The following ABCA8 variants were observed in gnomAD, a reference collection of about 807,000 sequenced individuals.
ABCA8 encodes the protein ABC-type organic anion transporter ABCA8.
In ABCA8, 177 loss-of-function variants were observed where a neutral mutation model predicts 192.3. The observed-to-expected ratio is 0.92, with a 90% CI of 0.81 to 1.04. The LOEUF (loss-of-function observed/expected upper bound fraction) is 1.04. ABCA8 is among the 50% of genes least tolerant of loss of function. ABCA8 has a pLI of 0.00. For missense variants in ABCA8, 1,915 were observed against 1,904.8 expected (o/e 1.01, Z -0.10); for synonymous variants, 642 against 690.2 (o/e 0.93, Z 1.09).
chr17:68,870,740 T>A (rs1265401456), intron 37 of ABCA8, among the ~76,000 whole-genome samples: 1 of 152,220 alleles, frequency 6.6e-6, no homozygotes, highest in South Asian at 2.1e-4. Flanking sequence ...CATCCATTTA[T>A]CTCTCAGTGA....
rs2067536238 is a variant in ABCA8 at position 68,921,608 on chromosome 17, T to C, written c.1502-116A>G. 1.8e-5 allele frequency: 10 copies of C among 542,770 alleles called. No homozygotes were observed. The South Asian group carries it at 3.4e-4, about 18-fold the overall frequency. 33.6% of individuals were successfully genotyped at this position (542,770 alleles called of 1,614,324 possible). A position where few individuals can be genotyped will look rare whatever the true frequency, so the allele number is the denominator to read the frequency against. On this transcript the variant is annotated intron_variant, in intron 12 of 39. Transcript: ENST00000586539. The stretch of plus-strand genomic sequence containing the variant: ...AATTGTTATTAATTCTCTTGAATGG[T>C]TGTCTTTTCTATATATAAATATAGT...
intron 14 of ABCA8, among the ~76,000 whole-genome samples, chr17:68,918,938 A>AG (rs1362383363): frequency 6.6e-6 from 1 of 150,708 alleles, no homozygotes; most frequent in Non-Finnish European, 1.5e-5. Context: ...CTCAAAAAAA[A>AG]AAAAAAAAAA....
intron 21 of ABCA8, among the ~76,000 whole-genome samples, chr17:68,896,220 T>C (rs2066754321): frequency 6.6e-6 from 1 of 152,096 alleles, no homozygotes; most frequent in Non-Finnish European, 1.5e-5. Context: ...TGACAGGAGA[T>C]TGCAATTCCC....
chr17:68,900,444 A>G (rs1473544477), intron 21 of ABCA8, among the ~76,000 whole-genome samples: 10 of 151,862 alleles, frequency 6.6e-5, no homozygotes, highest in Admixed American at 6.6e-4. Flanking sequence ...ATTGCTAATT[A>G]CAAAACTTCC....
chr17:68,904,757 C>T (rs899240526), intron 19 of ABCA8, among the ~76,000 whole-genome samples: 9 of 151,992 alleles, frequency 5.9e-5, no homozygotes, highest in African/African-American at 1.9e-4. Flanking sequence ...CTCAGAAAAA[C>T]GGAGAGAGAA....
chr17:68,894,181 A>G lies in ABCA8; in HGVS notation c.3028T>C (p.Phe1010Leu). The change falls in exon 23 of 40, where the codon TTT becomes CTT. Residue 1010 changes from phenylalanine (F) to leucine (L), a missense_variant. By Grantham distance (22) the Phe-to-Leu change is conservative. Transcript: ENST00000586539. ...SVHIRTERST[F>L]LENGQDNPIG... is the part of the protein sequence containing the mutation. ...AGATTATATATATTTACCTCCAAAA[A>G]TGTACTTCTTTCAGTTCGGATATGT... 6.2e-7 allele frequency: 1 copy of G among 1,613,164 alleles called. No individual in the cohort carries two copies. The highest frequency in any genetic ancestry group is 8.5e-7 in the Non-Finnish European group (1 of 1,179,556).
intron 38 of ABCA8, among the ~76,000 whole-genome samples, chr17:68,869,175 G>C (rs1271002201): frequency 6.6e-6 from 1 of 152,136 alleles, no homozygotes; most frequent in East Asian, 1.9e-4. Context: ...GTTCTGACTA[G>C]CACAGTTCAG....
Position 68,918,109 on chromosome 17 carries a change from C to T in ABCA8, c.1985G>A (p.Arg662His), listed in dbSNP as rs560601619. Reference sequence around the variant, plus strand: ...GAAGAGGATCACGCGGTCTGTTTTGCGTTCTTTCAGAAGGTTCCATACTTG... The same window carrying T: ...GAAGAGGATCACGCGGTCTGTTTTGTGTTCTTTCAGAAGGTTCCATACTTG... ...RHQVWNLLKE[R>H]KTDRVILFST... is the part of the protein sequence containing the mutation. The change falls in exon 16 of 40, where the codon CGC becomes CAC. Residue 662 changes from arginine to histidine, a missense_variant. Transcript: ENST00000586539. The T allele has an allele frequency of 2.5e-6, 4 of 1,614,132 alleles. No homozygotes were observed. In the African/African-American group the frequency reaches 4.0e-5, roughly 16 times the overall value.
chr17:68,920,030 A>C (rs1174338141), intron 13 of ABCA8: 2 of 152,328 alleles, frequency 1.3e-5, no homozygotes, highest in Non-Finnish European at 2.9e-5. Context: ...CTAGATAAAG[A>C]AAATGGGGGT....
At chr17:68,907,901 A>G (rs759146174) in intron 17 of ABCA8, 22 bp from the exon 18 acceptor site, 4 of 1,566,514 alleles carry the variant, frequency 2.6e-6, no homozygotes, top group Non-Finnish European at 1.7e-6. Flanking sequence ...AAAAAAAAAA[A>G]AAGACATATG....
chr17:68,894,444 C>T, intron 22 of ABCA8, 134 bp from the exon 23 acceptor site: 3 of 754,124 alleles, frequency 4.0e-6, no homozygotes, highest in Middle Eastern at 3.9e-4. Context: ...AAAAGCCAAA[C>T]ACTGTGTAAG....
chr17:68,894,413 T>C, intron 22 of ABCA8, 103 bp from the exon 23 acceptor site: 1 of 1,026,810 alleles, frequency 9.7e-7, no homozygotes, highest in Non-Finnish European at 1.4e-6. Context: ...GTTTTTCATA[T>C]GGTGTTAAAT....
In ABCA8 at chr17:68,884,339, A is replaced by T; in HGVS notation, c.3607T>A (p.Phe1203Ile). The change falls in exon 28 of 40, where the codon TTC becomes ATC. Residue 1203 changes from phenylalanine to isoleucine, a missense_variant. Coordinates refer to ENST00000586539, the MANE Select transcript of ABCA8 (RefSeq NM_001288985.2). ...ERMDVQPFLVFLIPFLHFIIF... is the reference protein window; with the variant it reads ...ERMDVQPFLVILIPFLHFIIF... Reference sequence around the variant, plus strand: ...GAACAGTGTGTTCTTACAATTAGGAATACCAGAAATGGCTGTACATCCATT... The same window carrying T: ...GAACAGTGTGTTCTTACAATTAGGATTACCAGAAATGGCTGTACATCCATT... 9 of 1,584,044 alleles carry T rather than the reference A, an allele frequency of 5.7e-6. No homozygotes were observed. Among genetic ancestry groups the T allele is most frequent in the Non-Finnish European group, 6.8e-6 (8 of 1,170,888 alleles).
At chr17:68,942,713 T>C (rs550322083) in intron 2 of ABCA8, among the ~76,000 whole-genome samples, 1 of 152,278 alleles carries the variant, frequency 6.6e-6, no homozygotes, top group African/African-American at 2.4e-5. Context: ...CCACTTCTTA[T>C]CCAATTGTCA....
At chr17:68,944,359 T>TATATATATAC (rs765731645) in intron 2 of ABCA8, among the ~76,000 whole-genome samples, 28 of 69,462 alleles carry the variant, frequency 4.0e-4, no homozygotes, top group African/African-American at 6.5e-4. Flanking sequence ...TATATATATA[T>TATATATATAC]ACACATATAC....
intron 14 of ABCA8, 66 bp downstream of exon 14, chr17:68,919,235 A>G: frequency 1.5e-6 from 2 of 1,378,922 alleles, no homozygotes; most frequent in Non-Finnish European, 2.0e-6. Flanking sequence ...TAAAATTAAA[A>G]CTCAGTGCAA....
intron 1 of ABCA8, 72 bp from the exon 2 acceptor site, chr17:68,949,544 A>C (rs1567891838): frequency 6.6e-6 from 1 of 152,250 alleles, no homozygotes; most frequent in Non-Finnish European, 1.5e-5. Context: ...GAAAATCGTC[A>C]ATAAAATACT....
intron 1 of ABCA8, among the ~76,000 whole-genome samples, chr17:68,951,480 A>C (rs751668148): frequency 6.6e-6 from 1 of 152,194 alleles, no homozygotes; most frequent in African/African-American, 2.4e-5. Flanking sequence ...TATCTATTCA[A>C]TCTTTTTCAT....
chr17:68,903,324 A>G lies in ABCA8; in HGVS notation c.2574T>C (p.His858=), dbSNP rs200485594. ...IARVRLLKLK[H]ERKALLALLL... ...ACAGTGCTAAAAGAGCTTTTCTTTC[A>G]TGCTTTAACTTTAACAAGCGAACCC... The change falls in exon 20 of 40, where the codon CAT becomes CAC. Residue 858 remains histidine, a synonymous_variant. Coordinates refer to ENST00000586539, the MANE Select transcript of ABCA8 (RefSeq NM_001288985.2). 19 of 1,614,154 alleles carry G rather than the reference A, an allele frequency of 1.2e-5. No homozygotes were observed. Among genetic ancestry groups the G allele is most frequent in the Admixed American group, 1.7e-5 (1 of 60,026 alleles).
Sources: allele counts gnomAD v4.1 joint callset (sites outside exome capture counted in the v4.1 genomes callset), GRCh38; gene constraint gnomAD v4.1.1; transcripts MANE v1.5; gene names NCBI Gene and HGNC (gene_info 2026-07-23, HGNC 2026-07-21).